Variants in RGS12 observed in about 807,000 individuals in gnomAD.
The protein encoded by RGS12 is regulator of G-protein signaling 12.
RGS12 carries 66 observed loss-of-function variants against 120.1 expected under a neutral mutation model. That is an observed-to-expected ratio of 0.55 (90% CI 0.45 to 0.67). The LOEUF is 0.67. RGS12 is among the 30% of genes least tolerant of loss of function. The pLI is 0.00. For missense variants in RGS12, 1,859 were observed against 1,957.7 expected (o/e 0.95, Z 0.95); for synonymous variants, 827 against 804.7 (o/e 1.03, Z -0.47).
intron 17 of RGS12, among the ~76,000 whole-genome samples, chr4:3,435,520 C>G (rs1361586360): frequency 6.6e-6 from 1 of 151,048 alleles, no homozygotes; most frequent in Non-Finnish European, 1.5e-5. Context: ...CCAAAGCCCC[C>G]TCTCCCCAGA....
At chr4:3,419,943 C>G (rs1476432370) in intron 9 of RGS12, among the ~76,000 whole-genome samples, 1 of 152,224 alleles carries the variant, frequency 6.6e-6, no homozygotes, top group East Asian at 1.9e-4. Flanking sequence ...TGGCTGCAGT[C>G]TGCAGGCCAG....
At chr4:3,286,117 T>C in the RGS12 span, among the ~76,000 whole-genome samples, 1 of 152,206 alleles carries the variant, frequency 6.6e-6, no homozygotes, top group Non-Finnish European at 1.5e-5. Flanking sequence ...CATGTCCTTC[T>C]GGTTATTCGT....
At chr4:3,364,888 G>A (rs1385944034) in intron 3 of RGS12, among the ~76,000 whole-genome samples, 2 of 152,080 alleles carry the variant, frequency 1.3e-5, no homozygotes, top group Non-Finnish European at 2.9e-5. Context: ...TGGCACCTCT[G>A]CTTGGAAGGA....
chr4:3,347,950 A>C (rs897488383), intron 3 of RGS12, among the ~76,000 whole-genome samples: 1 of 152,350 alleles, frequency 6.6e-6, no homozygotes, highest in South Asian at 2.1e-4. Flanking sequence ...AACTGAAAGA[A>C]GGTCTAGCAT....
rs562531698 is a variant in RGS12, at chr4:3,313,334, A to G, written c.-101-2736A>G. On this transcript the variant is annotated intron_variant, in intron 1 of 17. Transcript: ENST00000336727. ...TCCCCGAGGAAGCCATCAAGGCTTC[A>G]TGACCTGCTGTCCTGGGGCTGTTCA... is the stretch of plus-strand genomic sequence containing the variant. Among the ~76,000 whole-genome samples the G allele has an allele frequency of 2.0e-5, 3 of 152,356 alleles. No homozygotes were observed. The East Asian group carries it at 5.8e-4, about 29-fold the overall frequency.
intron 4 of RGS12, among the ~76,000 whole-genome samples, 167 bp downstream of exon 4, chr4:3,386,604 C>T (rs1718881781): frequency 6.6e-6 from 1 of 152,168 alleles, no homozygotes; most frequent in South Asian, 2.1e-4. Flanking sequence ...CTTTCTGTGA[C>T]ACCCAGGTGG....
Position 3,363,916 on chromosome 4 carries a change from C to T in RGS12, c.1998+20863C>T, listed in dbSNP as rs1205077616. Among the ~76,000 whole-genome samples the T allele has an allele frequency of 2.6e-5, 4 of 152,012 alleles. No individual in the cohort carries two copies. The East Asian group carries it at 7.8e-4, about 29-fold the overall frequency. On this transcript the variant is annotated intron_variant, in intron 3 of 17. Coordinates refer to ENST00000336727, the MANE Select transcript of RGS12 (RefSeq NM_001394154.1). ...CGGGGGAAGCTGGGGAAGGGCAGTG[C>T]CGGGATGGGGAGGGCACAGGCCCCC...
intron 13 of RGS12, among the ~76,000 whole-genome samples, chr4:3,425,075 T>G (rs1723465675): frequency 6.6e-6 from 1 of 152,220 alleles, no homozygotes; most frequent in South Asian, 2.1e-4. Flanking sequence ...CATTTCAGCC[T>G]CAAACCTGGT....
upstream of RGS12, among the ~76,000 whole-genome samples, chr4:3,288,311 G>T (rs1722946816): frequency 6.6e-6 from 1 of 152,102 alleles, no homozygotes; most frequent in Non-Finnish European, 1.5e-5. This position sits in a 1 kb window ranked among gnomAD's most constrained non-coding sequence, Gnocchi z 5.2. Flanking sequence ...GCTGACAAGG[G>T]GGCCCCGTGG....
intron 17 of RGS12, chr4:3,432,083 C>G (rs1724361665): frequency 1.0e-6 from 1 of 985,276 alleles, no homozygotes; most frequent in Non-Finnish European, 1.2e-6. Flanking sequence ...GGCCTGAGTC[C>G]CCCTCCATCC....
At position 3,439,801 on chromosome 4, in the gene RGS12, A is replaced by G; in HGVS notation, c.*117A>G. On this transcript the variant is annotated 3_prime_UTR_variant, in exon 18 of 18. Transcript: ENST00000336727. ...CCACACCCTCAGGAGCCCAGCCAGG[A>G]GGGCAGGGGGTGACCTCGCTGGAGG... 3 of 1,050,840 alleles carry G rather than the reference A, an allele frequency of 2.9e-6. No homozygotes were observed. The highest frequency in any genetic ancestry group is 4.0e-6 in the Non-Finnish European group (3 of 748,042). 65.1% of individuals were successfully genotyped at this position (1,050,840 alleles called of 1,614,324 possible).
intron 3 of RGS12, among the ~76,000 whole-genome samples, chr4:3,356,767 A>G (rs1005499815): frequency 6.6e-6 from 1 of 152,056 alleles, no homozygotes; most frequent in Non-Finnish European, 1.5e-5. Context: ...GTATGGATAT[A>G]CTCACATTTT....
chr4:3,315,209 T>G (rs1233596150), intron 1 of RGS12, among the ~76,000 whole-genome samples: 1 of 152,228 alleles, frequency 6.6e-6, no homozygotes, highest in Non-Finnish European at 1.5e-5. Flanking sequence ...CCTCTGCCCT[T>G]GCTGATTTTG....
rs182300817 is a variant in RGS12, at chr4:3,433,948, C to T, written c.4114+2993C>T. Among the ~76,000 whole-genome samples the T allele has an allele frequency of 6.1e-4, 93 of 152,374 alleles. 6 individuals are homozygous for T. The South Asian group carries it at 0.012, about 20-fold the overall frequency. ...CTGAGCCTTAGCTGTCTGACACACACAACAGAGGCCTCAAGCGGGAGAAGT... is the reference window on the plus strand; with the variant it reads ...CTGAGCCTTAGCTGTCTGACACACATAACAGAGGCCTCAAGCGGGAGAAGT... On this transcript the variant is annotated intron_variant, in intron 17 of 17. Coordinates refer to ENST00000336727, the MANE Select transcript of RGS12 (RefSeq NM_001394154.1). The surrounding 1 kb of genome is among the most constrained non-coding windows in gnomAD (Gnocchi z 4.4).
intron 12 of RGS12, 107 bp from the exon 13 acceptor site, chr4:3,423,408 C>CTT: frequency 6.9e-7 from 1 of 1,456,294 alleles, no homozygotes; most frequent in Non-Finnish European, 9.5e-7. Flanking sequence ...GGGGGCACAC[C>CTT]GAGGCCTTGA....
chr4:3,300,118 A>G (rs1035095814), intron 1 of RGS12, among the ~76,000 whole-genome samples: 9 of 152,236 alleles, frequency 5.9e-5, no homozygotes, highest in Admixed American at 1.3e-4. Context: ...CCTGGTCACC[A>G]TTAGCGATGG....
At chr4:3,425,585 G>C (rs1723524647) in intron 14 of RGS12, 25 bp downstream of exon 14, 4 of 1,588,604 alleles carry the variant, frequency 2.5e-6, no homozygotes, top group Non-Finnish European at 2.6e-6. Flanking sequence ...TGCAGCGGAT[G>C]GGGAGAGGGT....
chr4:3,416,231 A>G, intron 7 of RGS12, 110 bp downstream of exon 7: 3 of 1,275,004 alleles, frequency 2.4e-6, no homozygotes, highest in Non-Finnish European at 3.3e-6. Flanking sequence ...CGAGAGCATC[A>G]CAGACGCAGG....
chr4:3,342,826 A>C, intron 2 of RGS12, 111 bp from the exon 3 acceptor site: 1 of 803,564 alleles, frequency 1.2e-6, no homozygotes. Flanking sequence ...TCTCTTTTTA[A>C]AAAGTCTTTG....
Sources: allele counts gnomAD v4.1 joint callset (sites outside exome capture counted in the v4.1 genomes callset), GRCh38; gene constraint gnomAD v4.1.1; non-coding constraint Gnocchi (gnomAD v3.1); transcripts MANE v1.5; gene names NCBI Gene and HGNC (gene_info 2026-07-23, HGNC 2026-07-21).